The following FRY variants were observed in gnomAD, a reference collection of about 807,000 sequenced individuals.
FRY encodes the protein FRY microtubule binding protein, also known as protein furry homolog.
A neutral mutation model predicts 348.4 loss-of-function variants in FRY; 128 were observed. The ratio of observed to expected loss-of-function variants is 0.37; its 90% CI spans 0.32 to 0.43. The LOEUF (loss-of-function observed/expected upper bound fraction) is 0.43, where lower values mean the gene tolerates loss of function less well. Among genes scored for constraint, FRY ranks in the 20% least tolerant of loss-of-function variants. The probability of loss-of-function intolerance (pLI) is 1.00; values close to 1 mark genes in which losing one functional copy is unlikely to be tolerated. For missense variants in FRY, 2,736 were observed against 3,695.2 expected (o/e 0.74, Z 6.73); for synonymous variants, 1,370 against 1,374.7 (o/e 1.00, Z 0.08).
chr13:32,055,887 T>C (rs1189243424), intron 1 of FRY, among the ~76,000 whole-genome samples: 1 of 152,034 alleles, frequency 6.6e-6, no homozygotes, highest in African/African-American at 2.4e-5. Flanking sequence ...CTTTCCAAGG[T>C]TGGGTTTAAG....
intron 2 of FRY, among the ~76,000 whole-genome samples, chr13:32,095,618 T>C (rs1377350340): frequency 6.6e-6 from 1 of 152,050 alleles, no homozygotes; most frequent in Non-Finnish European, 1.5e-5. Flanking sequence ...GCTGAGATTA[T>C]AGGCGTGAGC....
chr13:32,233,689 A>T (rs1886044655), intron 41 of FRY, among the ~76,000 whole-genome samples: 1 of 152,234 alleles, frequency 6.6e-6, no homozygotes, highest in Admixed American at 6.5e-5. Context: ...CTTACAAAAA[A>T]AGGAGAGTAT....
At chr13:32,294,791 T>C (rs1889552132) in intron 60 of FRY, among the ~76,000 whole-genome samples, 1 of 152,234 alleles carries the variant, frequency 6.6e-6, no homozygotes, top group Non-Finnish European at 1.5e-5. Context: ...AATGACAAAA[T>C]GCTGAAGCAC....
intron 36 of FRY, among the ~76,000 whole-genome samples, chr13:32,222,331 A>T (rs1418540823): frequency 6.6e-6 from 1 of 152,138 alleles, no homozygotes; most frequent in African/African-American, 2.4e-5. Flanking sequence ...TAAGGCCTTA[A>T]AGGCCACGGG....
At chr13:32,037,874 A>T (rs1309192250) in intron 1 of FRY, among the ~76,000 whole-genome samples, 3 of 152,200 alleles carry the variant, frequency 2.0e-5, no homozygotes, top group African/African-American at 4.8e-5. Flanking sequence ...CTTATGTGAT[A>T]TTAACACTGA....
chr13:32,104,984 G>T lies in FRY; in HGVS notation c.324+2968G>T, dbSNP rs558205891. Among the ~76,000 whole-genome samples, 4 of 152,226 alleles carry T rather than the reference G, an allele frequency of 2.6e-5. No individual in the cohort carries two copies. The East Asian group carries it at 7.7e-4, about 29-fold the overall frequency. ...TTCCTTTATAAATTACCCAGTTTCT[G>T]GTATGTCTTTATTAGCAGCGTGAGA... is the stretch of plus-strand genomic sequence containing the variant. On this transcript the variant is annotated intron_variant, in intron 3 of 60. Coordinates refer to ENST00000542859, the MANE Select transcript of FRY (RefSeq NM_023037.3).
intron 51 of FRY, among the ~76,000 whole-genome samples, chr13:32,261,074 A>G (rs1380215065): frequency 6.6e-6 from 1 of 152,256 alleles, no homozygotes; most frequent in Non-Finnish European, 1.5e-5. Flanking sequence ...CTGCTCTGAT[A>G]GTCTTTAACT....
intron 17 of FRY, among the ~76,000 whole-genome samples, chr13:32,162,403 T>C (rs764525076): frequency 6.6e-6 from 1 of 152,084 alleles, no homozygotes; most frequent in Admixed American, 6.6e-5. Flanking sequence ...CTGCACATAA[T>C]CTGGTGGCCT....
rs1186856566 is a variant in FRY, at chr13:32,202,001, C to T, written c.3807C>T (p.Thr1269=). The change falls in exon 30 of 61, where the codon ACC becomes ACT. Residue 1269 remains threonine (T), a synonymous_variant. Transcript: ENST00000542859. ...TTGTTCTATTCAAGGCCTCTGACAC[C>T]AACAGAGAGATTTATGAAATCTCCA... The part of the protein sequence containing the change: ...LNLVLFKASD[T]NREIYEISMQ... The T allele has an allele frequency of 6.2e-7, 1 of 1,605,380 alleles. No homozygotes were observed. The highest frequency in any genetic ancestry group is 8.5e-7 in the Non-Finnish European group (1 of 1,172,170).
chr13:32,083,210 A>G (rs115804432), intron 2 of FRY, among the ~76,000 whole-genome samples: 339 of 152,240 alleles, frequency 2.2e-3, no homozygotes, highest in African/African-American at 7.8e-3. Flanking sequence ...CTTAGGCTAT[A>G]TAACCTGTTT....
chr13:32,209,154 C>T, intron 32 of FRY, 45 bp downstream of exon 32: 1 of 1,610,130 alleles, frequency 6.2e-7, no homozygotes, highest in Middle Eastern at 1.7e-4. Flanking sequence ...GCTCCATCAT[C>T]AGAAAAAAAC....
chr13:32,189,634 G>C (rs2064527776), intron 28 of FRY, among the ~76,000 whole-genome samples: 1 of 151,858 alleles, frequency 6.6e-6, no homozygotes, highest in South Asian at 2.1e-4. Context: ...AAGAAAGAGA[G>C]AGTGACTTTC....
At chr13:32,293,183 C>A (rs779792091) in intron 59 of FRY, among the ~76,000 whole-genome samples, 3 of 152,100 alleles carry the variant, frequency 2.0e-5, no homozygotes, top group Non-Finnish European at 4.4e-5. Flanking sequence ...GGTAGGTACA[C>A]ACACAGTGTT....
At chr13:32,235,470 G>A (rs205014) in intron 42 of FRY, among the ~76,000 whole-genome samples, 104,299 of 152,118 alleles carry the variant, frequency 0.69, 36,396 homozygotes, top group African/African-American at 0.81. Flanking sequence ...CTAAAAATAC[G>A]AAAATTAGCT....
At position 32,194,295 on chromosome 13, in the gene FRY, C is replaced by T; in HGVS notation, c.3744C>T (p.Ser1248=). ...AAGCCATAGCAACTGTGTGTGGAAG[C>T]AGGTACGAATTTTTATAAGCAGTGA... is the stretch of plus-strand genomic sequence containing the variant. ...CFKAIATVCG[S]RNYPFDIVTL... Residue 1248 remains serine (S), a splice_region_variant and synonymous_variant, in exon 29 of 61, where the codon AGC becomes AGT. Transcript: ENST00000542859. 6.2e-7 allele frequency: 1 copy of T among 1,613,994 alleles called. No individual in the cohort carries two copies. The highest frequency in any genetic ancestry group is 8.5e-7 in the Non-Finnish European group (1 of 1,179,872).
chr13:32,205,262 G>A (rs951925678), intron 31 of FRY, among the ~76,000 whole-genome samples: 113 of 147,258 alleles, frequency 7.7e-4, no homozygotes, highest in African/African-American at 2.7e-3. Flanking sequence ...TATAGCAAAT[G>A]CAATTTTTTA....
intron 15 of FRY, among the ~76,000 whole-genome samples, chr13:32,156,633 C>T (rs1881138561): frequency 6.7e-6 from 1 of 149,824 alleles, no homozygotes; most frequent in African/African-American, 2.5e-5. Flanking sequence ...AGATGTAATG[C>T]ATGAGAAATA....
intron 1 of FRY, among the ~76,000 whole-genome samples, chr13:32,035,763 C>G (rs1388227168): frequency 1.3e-5 from 2 of 152,228 alleles, no homozygotes; most frequent in African/African-American, 2.4e-5. Flanking sequence ...TGCCCATTAA[C>G]TCTTTCGCAT....
At chr13:32,153,386 C>A (rs139264172) in intron 14 of FRY, among the ~76,000 whole-genome samples, 1 of 152,284 alleles carries the variant, frequency 6.6e-6, no homozygotes, top group African/African-American at 2.4e-5. Context: ...ACTGCTGATA[C>A]TTGCAATAAC....
Sources: gnomAD v4.1 joint callset for allele counts (sites outside exome capture counted in the v4.1 genomes callset) on GRCh38, gnomAD v4.1.1 for gene constraint, MANE v1.5 for transcripts, NCBI Gene and HGNC (gene_info 2026-07-23, HGNC 2026-07-21) for gene names.